Variants in AGBL4 observed in about 807,000 individuals in gnomAD.
The protein encoded by AGBL4 is AGBL carboxypeptidase 4, also known as cytosolic carboxypeptidase 6.
A neutral mutation model predicts 66.4 loss-of-function variants in AGBL4; 58 were observed. The ratio of observed to expected loss-of-function variants is 0.87; its 90% confidence interval spans 0.71 to 1.09. AGBL4 has a LOEUF of 1.09. AGBL4 is among the 50% of genes least tolerant of loss of function. The probability of loss-of-function intolerance (pLI) is 0.00; values close to 1 mark genes in which losing one functional copy is unlikely to be tolerated. For synonymous variants in AGBL4, 234 were observed against 222.9 expected, an observed-to-expected ratio of 1.05 and a Z score of -0.44; for missense variants, 579 against 631.0, an observed-to-expected ratio of 0.92 and a Z score of 0.88.
rs574794721 is a variant in AGBL4, at chr1:49,264,765, G to A, written c.283-18901C>T. ...TCTCTGTGTTGCCCAGGCTGGTCTC[G>A]AACTCCTGAGCTCAGGCAATCCGCC... On this transcript the variant is annotated intron_variant, in intron 3 of 13. Coordinates refer to ENST00000371839, the MANE Select transcript of AGBL4 (RefSeq NM_032785.4). Among the ~76,000 whole-genome samples, 17 of 152,176 alleles carry A rather than the reference G, an allele frequency of 1.1e-4. No individual in the cohort carries two copies. The South Asian group carries it at 3.3e-3, about 30-fold the overall frequency.
chr1:49,571,347 G>A (rs1644327243), intron 3 of AGBL4, among the ~76,000 whole-genome samples: 1 of 151,384 alleles, frequency 6.6e-6, no homozygotes, highest in Non-Finnish European at 1.5e-5. Flanking sequence ...TCAGTTATAG[G>A]GTAAACTTCT....
At chr1:49,283,458 G>A (rs903576612) in intron 3 of AGBL4, among the ~76,000 whole-genome samples, 16 of 152,348 alleles carry the variant, frequency 1.1e-4, no homozygotes, top group Non-Finnish European at 2.1e-4. Flanking sequence ...AAAACGCAGA[G>A]CGTCTCTCCT....
chr1:49,478,268 T>C lies in AGBL4; in HGVS notation c.282+219045A>G, dbSNP rs530653665. ...TAGAAGACTAACTCAAGACATTTAA[T>C]AGCCAAACTCCCAAAGGTCAAGGAT... On this transcript the variant is annotated intron_variant, in intron 3 of 13. Transcript: ENST00000371839. Among the ~76,000 whole-genome samples the C allele has an allele frequency of 9.9e-5, 15 of 151,820 alleles. No individual in the cohort carries two copies. The South Asian group carries it at 1.2e-3, about 13-fold the overall frequency.
chr1:49,103,574 T>C (rs1248178215), intron 4 of AGBL4, among the ~76,000 whole-genome samples: 1 of 151,594 alleles, frequency 6.6e-6, no homozygotes, highest in Non-Finnish European at 1.5e-5. Flanking sequence ...CTTTGAAGAG[T>C]CAAGCTTCTG....
At chr1:48,979,886 A>T (rs1044086970) in intron 5 of AGBL4, among the ~76,000 whole-genome samples, 1 of 152,154 alleles carries the variant, frequency 6.6e-6, no homozygotes, top group Non-Finnish European at 1.5e-5. Flanking sequence ...ATTAATTTTT[A>T]AAATTTTTAT....
intron 3 of AGBL4, among the ~76,000 whole-genome samples, chr1:49,441,541 A>T (rs1482167434): frequency 1.3e-5 from 2 of 152,110 alleles, no homozygotes; most frequent in Non-Finnish European, 2.9e-5. Context: ...GTAAATTTGG[A>T]CCTACTCATC....
At chr1:50,018,208 CT>C in intron 1 of AGBL4, among the ~76,000 whole-genome samples, 1 of 152,176 alleles carries the variant, frequency 6.6e-6, no homozygotes. Flanking sequence ...TGAAAGTACA[CT>C]TTTTTCCAAG....
At position 49,787,480 on chromosome 1, in the gene AGBL4, G is replaced by A. The variant is rs528994780; in HGVS notation, c.157+63916C>T. On this transcript the variant is annotated intron_variant, in intron 2 of 13. Coordinates refer to ENST00000371839, the MANE Select transcript of AGBL4 (RefSeq NM_032785.4). ...ATCAAGCCACTGCACTCCAGCCTGGGCGACAGAGCGAGACTCTGTCTCAAA... is the reference window on the plus strand; with the variant it reads ...ATCAAGCCACTGCACTCCAGCCTGGACGACAGAGCGAGACTCTGTCTCAAA... Among the ~76,000 whole-genome samples the A allele has an allele frequency of 6.4e-4, 97 of 150,596 alleles. 3 individuals are homozygous for A. In the South Asian group the frequency reaches 0.019, roughly 29 times the overall value.
chr1:49,125,202 A>G (rs1645741569), intron 4 of AGBL4, among the ~76,000 whole-genome samples: 1 of 152,142 alleles, frequency 6.6e-6, no homozygotes, highest in African/African-American at 2.4e-5. Flanking sequence ...AAACACAAAA[A>G]GGCCTATTTT....
At chr1:48,798,857 TTC>T (rs1645749700) in intron 6 of AGBL4, among the ~76,000 whole-genome samples, 1 of 152,224 alleles carries the variant, frequency 6.6e-6, no homozygotes, top group African/African-American at 2.4e-5. Context: ...GGGTCCTCTA[TTC>T]TGTTTCAATA....
At chr1:48,657,071 G>T (rs1646032448) in intron 7 of AGBL4, among the ~76,000 whole-genome samples, 1 of 152,186 alleles carries the variant, frequency 6.6e-6, no homozygotes, top group Non-Finnish European at 1.5e-5. Flanking sequence ...CAATTCCAGG[G>T]CCTTGGCTTC....
intron 6 of AGBL4, among the ~76,000 whole-genome samples, chr1:48,845,182 T>TC (rs892939774): frequency 7.1e-5 from 10 of 140,328 alleles, no homozygotes; most frequent in African/African-American, 3.3e-4. Flanking sequence ...AAAAATTAGC[T>TC]TTTTTTTCAG....
intron 5 of AGBL4, among the ~76,000 whole-genome samples, chr1:49,009,758 A>G (rs1170680633): frequency 6.6e-6 from 1 of 151,806 alleles, no homozygotes; most frequent in African/African-American, 2.4e-5. Context: ...CAGCATATAA[A>G]CAGAGCCAAA....
At chr1:49,667,757 A>G (rs1467130583) in intron 3 of AGBL4, among the ~76,000 whole-genome samples, 1 of 152,202 alleles carries the variant, frequency 6.6e-6, no homozygotes, top group Non-Finnish European at 1.5e-5. Context: ...TATATGTAAA[A>G]GCTCTTTTAA....
At chr1:49,706,229 T>A (rs1033226507) in intron 2 of AGBL4, among the ~76,000 whole-genome samples, 1 of 152,140 alleles carries the variant, frequency 6.6e-6, no homozygotes, top group African/African-American at 2.4e-5. Context: ...CTTCAGAACA[T>A]TTTATTGGTC....
intron 4 of AGBL4, among the ~76,000 whole-genome samples, chr1:49,049,509 A>G (rs1434346184): frequency 6.6e-6 from 1 of 152,126 alleles, no homozygotes; most frequent in African/African-American, 2.4e-5. Flanking sequence ...GAAAATATAA[A>G]CTGTGTTACT....
intron 4 of AGBL4, among the ~76,000 whole-genome samples, chr1:49,141,850 T>C (rs1025227628): frequency 2.6e-5 from 4 of 152,182 alleles, no homozygotes; most frequent in African/African-American, 7.2e-5. Context: ...TTGAGGGCTA[T>C]AGAACACTAC....
intron 3 of AGBL4, among the ~76,000 whole-genome samples, chr1:49,566,494 G>T (rs181525635): frequency 6.6e-6 from 1 of 152,140 alleles, no homozygotes; most frequent in Non-Finnish European, 1.5e-5. Context: ...TGTCCTTTCT[G>T]TTTGCTAGTT....
chr1:48,808,416 C>T (rs1222116890), intron 6 of AGBL4, among the ~76,000 whole-genome samples: 1 of 152,088 alleles, frequency 6.6e-6, no homozygotes, highest in Non-Finnish European at 1.5e-5. Context: ...AGATTCTTCC[C>T]AAGGTCATGT....
Sources: allele counts gnomAD v4.1 joint callset (sites outside exome capture counted in the v4.1 genomes callset), GRCh38; gene constraint gnomAD v4.1.1; transcripts MANE v1.5; gene names NCBI Gene and HGNC (gene_info 2026-07-23, HGNC 2026-07-21).